Variants in IGF2BP3 observed in about 807,000 individuals in gnomAD.
IGF2BP3 encodes insulin-like growth factor 2 mRNA-binding protein 3.
Under a neutral mutation model 73.8 loss-of-function variants are expected in IGF2BP3, and 9 were observed. That is an observed-to-expected ratio of 0.12 (90% CI 0.07 to 0.21). The LOEUF (loss-of-function observed/expected upper bound fraction) is 0.21. IGF2BP3 is among the 10% of genes least tolerant of loss of function. The pLI, the probability that IGF2BP3 is intolerant of heterozygous loss-of-function variation, is 1.00. For missense variants in IGF2BP3, 542 were observed against 714.0 expected (o/e 0.76, Z 2.75); for synonymous variants, 258 against 256.7 (o/e 1.01, Z -0.05).
At position 23,342,119 on chromosome 7, in the gene IGF2BP3, G is replaced by A; in HGVS notation, c.1148C>T (p.Pro383Leu). 1.2e-6 allele frequency: 2 copies of A among 1,609,866 alleles called. No individual in the cohort carries two copies. The highest frequency in any genetic ancestry group is 1.7e-6 in the Non-Finnish European group (2 of 1,178,736). The part of the protein sequence containing the change: ...LGLFPPTSGM[P>L]PPTSGPPSAM... ...TGAAGGGGGCCCTGAGGTGGGAGGT[G>A]GCATCCCTGAAGTGGGTGGGAACAG... The change falls in exon 10 of 15, where the codon CCA becomes CTA. Residue 383 changes from proline to leucine, a missense_variant. Pro to Leu is a moderately conservative substitution (Grantham distance 98). Transcript: ENST00000258729.
rs1788641085 is a variant in IGF2BP3, at chr7:23,469,100, G to T, written c.176-558C>A. ...GGCTGAACCAGGCGCGAAGGACGGC[G>T]AGGCGCCCGCACCACGTCTGAATTG... On this transcript the variant is annotated intron_variant, in intron 1 of 14. Transcript: ENST00000258729. The surrounding 1 kb of genome is among the most constrained non-coding windows in gnomAD (Gnocchi z 6.1). The T allele has an allele frequency of 1.2e-5, 2 of 163,078 alleles. No individual in the cohort carries two copies. Among genetic ancestry groups the T allele is most frequent in the Admixed American group, 1.1e-4 (2 of 17,620 alleles). The allele number at this position is 163,078 out of a possible 1,614,324, so 10.1% of individuals were successfully genotyped here. A position where few individuals can be genotyped will look rare whatever the true frequency, so the allele number is the denominator to read the frequency against.
At chr7:23,399,127 C>T (rs538930518) in intron 3 of IGF2BP3, among the ~76,000 whole-genome samples, 51 of 152,176 alleles carry the variant, frequency 3.4e-4, no homozygotes, top group African/African-American at 1.2e-3. Flanking sequence ...TTTCTACATA[C>T]GGCTGGCCAG....
At chr7:23,464,106 G>C (rs1172676829) in intron 2 of IGF2BP3, among the ~76,000 whole-genome samples, 1 of 152,194 alleles carries the variant, frequency 6.6e-6, no homozygotes, top group Non-Finnish European at 1.5e-5. Context: ...GCTGTCCTAA[G>C]ACTTTGAAGT....
chr7:23,352,480 G>T (rs1784990446), intron 5 of IGF2BP3, among the ~76,000 whole-genome samples: 1 of 151,816 alleles, frequency 6.6e-6, no homozygotes, highest in Admixed American at 6.6e-5. Context: ...GTAGAGATGG[G>T]GTTTCACCAT....
chr7:23,367,879 T>C (rs531621443), intron 3 of IGF2BP3, among the ~76,000 whole-genome samples: 5 of 152,150 alleles, frequency 3.3e-5, no homozygotes, highest in Admixed American at 2.0e-4. Flanking sequence ...CACGCACCTG[T>C]AGTCCCAGCT....
chr7:23,359,854 G>C (rs1785181941), intron 5 of IGF2BP3, among the ~76,000 whole-genome samples: 1 of 151,646 alleles, frequency 6.6e-6, no homozygotes, highest in Non-Finnish European at 1.5e-5. Context: ...TACAACTAAA[G>C]AACAAAATTA....
intron 6 of IGF2BP3, among the ~76,000 whole-genome samples, chr7:23,349,346 A>G (rs1784905576): frequency 1.3e-5 from 2 of 152,346 alleles, no homozygotes; most frequent in South Asian, 2.1e-4. Flanking sequence ...CCTCAAGAGT[A>G]AAAGATAAAA....
chr7:23,425,335 C>T (rs913805044), intron 2 of IGF2BP3, among the ~76,000 whole-genome samples: 1 of 152,176 alleles, frequency 6.6e-6, no homozygotes, highest in Non-Finnish European at 1.5e-5. Flanking sequence ...CTGCAACCCC[C>T]TTTGTATCAT....
rs2390752 is a variant in IGF2BP3, at chr7:23,428,530, T to A, written c.237-9706A>T. Among the ~76,000 whole-genome samples the A allele has an allele frequency of 1.5e-3, 210 of 143,574 alleles. 1 individual carries two copies. The highest frequency in any genetic ancestry group is 8.9e-3 in the South Asian group (42 of 4,744). The allele number at this position is 143,574 out of a possible 152,430, so 94.2% of individuals were successfully genotyped here. A position where few individuals can be genotyped will look rare whatever the true frequency, so the allele number is the denominator to read the frequency against. Reference sequence around the variant, plus strand: ...GATGCTGTATAAAAGAAAAAAAAAATATATATATATAATATATATTTTTAA... The same window carrying A: ...GATGCTGTATAAAAGAAAAAAAAAAAATATATATATAATATATATTTTTAA... On this transcript the variant is annotated intron_variant, in intron 2 of 14. Transcript: ENST00000258729.
chr7:23,466,117 C>G (rs1389196113), intron 2 of IGF2BP3, among the ~76,000 whole-genome samples: 1 of 151,388 alleles, frequency 6.6e-6, no homozygotes, highest in Non-Finnish European at 1.5e-5. Flanking sequence ...CTCCCCAGTT[C>G]AAGCAATTCT....
At chr7:23,312,545 A>G in intron 14 of IGF2BP3, 85 bp from the exon 15 acceptor site, 1 of 1,062,896 alleles carries the variant, frequency 9.4e-7, no homozygotes, top group East Asian at 2.4e-5. Flanking sequence ...AATTTCAAAT[A>G]GAAATCCATT....
At chr7:23,351,188 G>C in intron 6 of IGF2BP3, 117 bp downstream of exon 6, 1 of 1,083,284 alleles carries the variant, frequency 9.2e-7, no homozygotes, top group South Asian at 1.5e-5. Context: ...CCCAAGTACT[G>C]TACAAGGAGT....
intron 3 of IGF2BP3, among the ~76,000 whole-genome samples, chr7:23,363,077 G>A (rs1014821048): frequency 2.0e-5 from 3 of 152,066 alleles, no homozygotes; most frequent in South Asian, 2.1e-4. Context: ...TTAAAAGGGC[G>A]GTTCCTTGAA....
intron 3 of IGF2BP3, among the ~76,000 whole-genome samples, chr7:23,404,504 T>G (rs539217207): frequency 1.3e-5 from 2 of 152,286 alleles, no homozygotes; most frequent in South Asian, 4.1e-4. Flanking sequence ...AGTCAAGCTT[T>G]GAAAAGCATC....
At chr7:23,468,844 C>T (rs1381176859) in intron 1 of IGF2BP3, among the ~76,000 whole-genome samples, 3 of 152,204 alleles carry the variant, frequency 2.0e-5, no homozygotes, top group African/African-American at 7.2e-5. Context: ...GCAAGAGGGA[C>T]GCGGCCCACC....
At position 23,343,961 on chromosome 7, in the gene IGF2BP3, T is replaced by TGTAAAAGTGGGTGGTAAAACATGATG; in HGVS notation, c.942-134_942-109dup. On this transcript the variant is annotated intron_variant, in intron 8 of 14. Transcript: ENST00000258729. ...AAACAAACTGTGGAGCCTGGTAATATGTAAAAGTGGGTGGTAAAACATGAT... is the reference window on the plus strand; with the variant it reads ...AAACAAACTGTGGAGCCTGGTAATATGTAAAAGTGGGTGGTAAAACATGATGGTAAAAGTGGGTGGTAAAACATGAT... 10 of 1,062,444 alleles carry TGTAAAAGTGGGTGGTAAAACATGATG rather than the reference T, an allele frequency of 9.4e-6. No individual in the cohort carries two copies. The South Asian group carries it at 1.5e-4, about 16-fold the overall frequency. The allele number at this position is 1,062,444 out of a possible 1,614,324, so 65.8% of individuals were successfully genotyped here.
chr7:23,380,795 G>A (rs1015271143), intron 3 of IGF2BP3, among the ~76,000 whole-genome samples: 1 of 152,234 alleles, frequency 6.6e-6, no homozygotes, highest in African/African-American at 2.4e-5. Context: ...AGACTGGGAT[G>A]ATGCAGCTAC....
intron 3 of IGF2BP3, chr7:23,414,390 A>G (rs1033162767): frequency 1.3e-5 from 2 of 152,214 alleles, no homozygotes; most frequent in African/African-American, 4.8e-5. Flanking sequence ...TAACAGTAAC[A>G]GAAAGGTAAC....
chr7:23,340,133 C>CT (rs1316545609), intron 10 of IGF2BP3, among the ~76,000 whole-genome samples: 2 of 152,148 alleles, frequency 1.3e-5, no homozygotes, highest in African/African-American at 4.8e-5. Context: ...GACCTGGGCT[C>CT]TGACTCCAGG....
Sources: allele counts gnomAD v4.1 joint callset (sites outside exome capture counted in the v4.1 genomes callset), GRCh38; gene constraint gnomAD v4.1.1; non-coding constraint Gnocchi (gnomAD v3.1); transcripts MANE v1.5; gene names NCBI Gene and HGNC (gene_info 2026-07-23, HGNC 2026-07-21).